The following IQSEC2 variants were observed in gnomAD, a reference collection of about 807,000 sequenced individuals.
The protein encoded by IQSEC2 is IQ motif and Sec7 domain ArfGEF 2.
IQSEC2 carries 6 observed loss-of-function variants against 74.6 expected under a neutral mutation model. The observed-to-expected ratio is 0.08, with a 90% CI of 0.04 to 0.16. IQSEC2 has a LOEUF of 0.16. IQSEC2 is among the 10% of genes least tolerant of loss of function. The pLI, the probability that IQSEC2 is intolerant of heterozygous loss-of-function variation, is 1.00. For synonymous variants in IQSEC2, 494 were observed against 544.5 expected (o/e 0.91, Z 1.29); for missense variants, 734 against 1,306.2 (o/e 0.56, Z 6.75).
At chrX:53,291,782 G>A (rs1416039464) in intron 2 of IQSEC2, 113 bp downstream of exon 2, 8 of 615,727 alleles carry the variant, frequency 1.3e-5, no homozygotes, top group Middle Eastern at 4.1e-4. Flanking sequence ...CAGGGAAGAC[G>A]CCCTTGAGTT....
chrX:53,257,710 G>A (rs2074498233), intron 2 of IQSEC2, among the ~76,000 whole-genome samples: 1 of 112,152 alleles, frequency 8.9e-6, no homozygotes, highest in African/African-American at 3.2e-5. Flanking sequence ...TGGCATTTGA[G>A]GCTTCTCCAA....
chrX:53,276,700 C>G (rs966758738), intron 2 of IQSEC2, among the ~76,000 whole-genome samples: 12 of 111,933 alleles, frequency 1.1e-4, no homozygotes, highest in African/African-American at 3.6e-4. Flanking sequence ...AAATTCTTTA[C>G]CAAGTTAAGG....
At chrX:53,313,607 G>T (rs781847576) in intron 1 of IQSEC2, among the ~76,000 whole-genome samples, 3 of 112,248 alleles carry the variant, frequency 2.7e-5, no homozygotes, top group African/African-American at 9.7e-5. Context: ...TTATGATCCT[G>T]CCAGGGAACA....
In IQSEC2 at chrX:53,241,914, A is replaced by G; in HGVS notation, c.2890-5T>C. On this transcript the variant is annotated splice_region_variant and splice_polypyrimidine_tract_variant and intron_variant, in intron 9 of 14. Coordinates refer to ENST00000642864, the MANE Select transcript of IQSEC2 (RefSeq NM_001111125.3). ...ACGGTGAGGGAGAGACAGGACCTAG[A>G]CAGGCATGAAGAAACAGGTGTCAGC... 1.7e-6 allele frequency: 2 copies of G among 1,207,313 alleles called. No homozygotes were observed. The highest frequency in any genetic ancestry group is 2.2e-6 in the Non-Finnish European group (2 of 893,342).
intron 12 of IQSEC2, among the ~76,000 whole-genome samples, chrX:53,236,862 A>G (rs2074139335): frequency 9.0e-6 from 1 of 111,169 alleles, no homozygotes; most frequent in Admixed American, 9.5e-5. Context: ...TTCAAAAAAG[A>G]GCTTCATGGC....
intron 3 of IQSEC2, 85 bp downstream of exon 3, chrX:53,255,715 C>G (rs961351172): frequency 4.6e-6 from 5 of 1,097,681 alleles, no homozygotes; most frequent in Non-Finnish European, 6.3e-6. Context: ...TCCCTGATAC[C>G]ACCCCCAAGA....
At position 53,320,948 on chromosome X, in the gene IQSEC2, C is replaced by T. The variant is rs2075426581; in HGVS notation, c.176G>A (p.Arg59His). 1.7e-6 allele frequency: 2 copies of T among 1,162,348 alleles called. No individual in the cohort carries two copies. The highest frequency in any genetic ancestry group is 2.3e-6 in the Non-Finnish European group (2 of 872,613). Residue 59 changes from arginine (R) to histidine (H), a missense_variant, in exon 1 of 15, where the codon CGC becomes CAC. Transcript: ENST00000642864. ...CAGCTGGCTCTCCTCTCGCAGGTCGCGGTTCTCCTGGGTGAGCTGGTCCAG... is the reference window on the plus strand; with the variant it reads ...CAGCTGGCTCTCCTCTCGCAGGTCGTGGTTCTCCTGGGTGAGCTGGTCCAG... Reference protein sequence around the residue: ...GQLDQLTQENRDLREESQLHR... With the variant: ...GQLDQLTQENHDLREESQLHR...
intron 12 of IQSEC2, 109 bp downstream of exon 12, chrX:53,238,036 G>T: frequency 1.1e-6 from 1 of 898,413 alleles, no homozygotes; most frequent in African/African-American, 2.0e-5. Context: ...AGGATGGGAA[G>T]GTTGGACAAG....
At chrX:53,275,501 AT>A (rs1446178231) in intron 2 of IQSEC2, among the ~76,000 whole-genome samples, 5 of 110,202 alleles carry the variant, frequency 4.5e-5, no homozygotes, top group Non-Finnish European at 7.6e-5. Context: ...TTTCACTTAA[AT>A]TTTTTTTCCC....
chrX:53,311,849 G>A (rs2075325011), intron 1 of IQSEC2, among the ~76,000 whole-genome samples: 1 of 111,906 alleles, frequency 8.9e-6, no homozygotes. Flanking sequence ...CTGGGGCGGG[G>A]AAGAGGCTGC....
At chrX:53,269,765 T>C (rs2074712480) in intron 2 of IQSEC2, among the ~76,000 whole-genome samples, 1 of 111,213 alleles carries the variant, frequency 9.0e-6, no homozygotes, top group African/African-American at 3.3e-5. Flanking sequence ...GCCCTCCTGA[T>C]GGTTAAAGCC....
chrX:53,234,473 C>T lies in IQSEC2; in HGVS notation c.4213G>A (p.Gly1405Ser). 9.2e-7 allele frequency: 1 copy of T among 1,085,896 alleles called. No homozygotes were observed. The highest frequency in any genetic ancestry group is 1.2e-6 in the Non-Finnish European group (1 of 833,638). 89.5% of individuals were successfully genotyped at this position (1,085,896 alleles called of 1,213,427 possible). Residue 1405 changes from glycine (G) to serine (S), a missense_variant, in exon 15 of 15, where the codon GGC (glycine) becomes AGC (serine). By Grantham distance (56) the Gly-to-Ser change is moderately conservative. Coordinates refer to ENST00000642864, the MANE Select transcript of IQSEC2 (RefSeq NM_001111125.3). ...QMMPAAGAAGGPGSRPPGGSY... is the reference protein window; with the variant it reads ...QMMPAAGAAGSPGSRPPGGSY... ...CCCCCTGGTGGCCGGGATCCAGGGC[C>T]CCCAGCCGCGCCTGCTGCTGGCATC...
At chrX:53,287,261 G>C (rs1240430769) in intron 2 of IQSEC2, among the ~76,000 whole-genome samples, 1 of 112,337 alleles carries the variant, frequency 8.9e-6, no homozygotes, top group Non-Finnish European at 1.9e-5. Context: ...GTGAAAATTG[G>C]GAATGTAAGT....
chrX:53,234,796 G>T lies in IQSEC2; in HGVS notation c.3890C>A (p.Pro1297His). The change falls in exon 15 of 15, where the codon CCC (proline) becomes CAC (histidine). Residue 1297 changes from proline to histidine, a missense_variant. Coordinates refer to ENST00000642864, the MANE Select transcript of IQSEC2 (RefSeq NM_001111125.3). ...QPSLPPPPQQ[P>H]PPLPQLGSIP... ...GGAGCCCAGCTGGGGCAAGGGTGGGGGCTGCTGGGGAGGTGGGGGAAGAGA... is the reference window on the plus strand; with the variant it reads ...GGAGCCCAGCTGGGGCAAGGGTGGGTGCTGCTGGGGAGGTGGGGGAAGAGA... The T allele has an allele frequency of 9.0e-7, 1 of 1,116,466 alleles. No homozygotes were observed. The highest frequency in any genetic ancestry group is 1.2e-6 in the Non-Finnish European group (1 of 845,809). 92.0% of individuals were successfully genotyped at this position (1,116,466 alleles called of 1,213,427 possible). A position where few individuals can be genotyped will look rare whatever the true frequency, so the allele number is the denominator to read the frequency against.
At position 53,269,268 on chromosome X, in the gene IQSEC2, G is replaced by A. The variant is rs782537724; in HGVS notation, c.738-13207C>T. 7.2e-5 allele frequency among the ~76,000 whole-genome samples: 8 copies of A among 111,854 alleles called. No homozygotes were observed. The South Asian group carries it at 1.5e-3, about 21-fold the overall frequency. ...CTGCTTCCTTCCAGCTCCAGCATCC[G>A]TTCCCTTGGCCAGGGCTCTCCATTT... On this transcript the variant is annotated intron_variant, in intron 2 of 14. Coordinates refer to ENST00000642864, the MANE Select transcript of IQSEC2 (RefSeq NM_001111125.3).
rs1356164596 is a variant in IQSEC2, at chrX:53,233,637, G to A, written c.*582C>T. 13 of 259,457 alleles carry A rather than the reference G, an allele frequency of 5.0e-5. No individual in the cohort carries two copies. Among genetic ancestry groups the A allele is most frequent in the Non-Finnish European group, 8.2e-5 (12 of 147,044 alleles). The allele number at this position is 259,457 out of a possible 1,213,427, so 21.4% of individuals were successfully genotyped here. A position where few individuals can be genotyped will look rare whatever the true frequency, so the allele number is the denominator to read the frequency against. ...CCCCACGTGGGGCCAACACAAGCAG[G>A]GTCCCACCCACCAAGTGCATCAATG... is the stretch of plus-strand genomic sequence containing the variant. On this transcript the variant is annotated 3_prime_UTR_variant, in exon 15 of 15. Coordinates refer to ENST00000642864, the MANE Select transcript of IQSEC2 (RefSeq NM_001111125.3).
intron 2 of IQSEC2, among the ~76,000 whole-genome samples, chrX:53,260,534 G>C (rs2074553537): frequency 9.0e-6 from 1 of 111,480 alleles, no homozygotes. Context: ...CTTCCTCACT[G>C]TGGCCATGGA....
chrX:53,289,620 A>G (rs2075074613), intron 2 of IQSEC2, among the ~76,000 whole-genome samples: 1 of 111,369 alleles, frequency 9.0e-6, no homozygotes, highest in African/African-American at 3.3e-5. Context: ...ATTTACAAGT[A>G]GGTCCCTACC....
chrX:53,247,078 G>A lies in IQSEC2; in HGVS notation c.2640C>T (p.Thr880=). ...TGATGGCAAAAGCAAGGATGAAGAT[G>A]GTGTCTGGGTTCCGGAACTGGCGCA... ...ALVRQFRNPD[T]IFILAFAIIL... The change falls in exon 8 of 15, where the codon ACC becomes ACT. Residue 880 remains threonine, a synonymous_variant. Coordinates refer to ENST00000642864, the MANE Select transcript of IQSEC2 (RefSeq NM_001111125.3). The A allele has an allele frequency of 1.7e-6, 2 of 1,210,877 alleles. No individual in the cohort carries two copies. The highest frequency in any genetic ancestry group is 2.2e-6 in the Non-Finnish European group (2 of 895,034).
Sources: allele counts gnomAD v4.1 joint callset (sites outside exome capture counted in the v4.1 genomes callset), GRCh38; gene constraint gnomAD v4.1.1; transcripts MANE v1.5; gene names NCBI Gene and HGNC (gene_info 2026-07-23, HGNC 2026-07-21).